SSH2: variants seen among roughly 807,000 people sequenced by gnomAD.
SSH2 encodes the protein protein phosphatase Slingshot homolog 2.
In SSH2, 37 loss-of-function variants were observed where a neutral mutation model predicts 135.2. The observed-to-expected ratio is 0.27, with a 90% CI of 0.21 to 0.36. The LOEUF (loss-of-function observed/expected upper bound fraction) is 0.36, where lower values mean the gene tolerates loss of function less well. SSH2 is among the 10% of genes least tolerant of loss of function. SSH2 has a pLI of 1.00. For synonymous variants in SSH2, 628 were observed against 646.2 expected (o/e 0.97, Z 0.43); for missense variants, 1,408 against 1,765.3 (o/e 0.80, Z 3.63).
chr17:29,642,791 A>G (rs1476801142), intron 14 of SSH2, among the ~76,000 whole-genome samples: 1 of 152,204 alleles, frequency 6.6e-6, no homozygotes, highest in Non-Finnish European at 1.5e-5. Flanking sequence ...TACTCTGATT[A>G]AGACTGTAAC....
chr17:29,710,499 T>C (rs192976534), intron 3 of SSH2, among the ~76,000 whole-genome samples: 6 of 152,256 alleles, frequency 3.9e-5, no homozygotes, highest in Admixed American at 2.0e-4. Context: ...AGCAAAAACT[T>C]TCAAATATAT....
chr17:29,677,530 A>G, intron 7 of SSH2, 143 bp downstream of exon 7: 1 of 707,366 alleles, frequency 1.4e-6, no homozygotes, highest in East Asian at 2.5e-5. Flanking sequence ...TTTACAAAAC[A>G]GGAGTTTAAA....
chr17:29,848,089 A>T (rs1377419166), intron 2 of SSH2, among the ~76,000 whole-genome samples: 1 of 151,734 alleles, frequency 6.6e-6, no homozygotes, highest in Non-Finnish European at 1.5e-5. Context: ...GAAACTAAGA[A>T]CCCTCCTGGG....
At chr17:29,757,742 A>G (rs1474329351) in intron 3 of SSH2, among the ~76,000 whole-genome samples, 21 of 121,036 alleles carry the variant, frequency 1.7e-4, no homozygotes, top group Admixed American at 6.5e-4. Context: ...AAAAAAAAAA[A>G]AGAGAGAGAG....
intron 5 of SSH2, among the ~76,000 whole-genome samples, chr17:29,691,094 G>C (rs1271421002): frequency 6.7e-6 from 1 of 150,066 alleles, no homozygotes; most frequent in Non-Finnish European, 1.5e-5. Context: ...CATTGTTTGG[G>C]AGAAAAAAAA....
chr17:29,705,803 T>C (rs542792332), intron 3 of SSH2, among the ~76,000 whole-genome samples: 4 of 152,362 alleles, frequency 2.6e-5, no homozygotes, highest in Admixed American at 2.6e-4. Flanking sequence ...TGGCCTATCA[T>C]TATGTAAGTC....
intron 1 of SSH2, among the ~76,000 whole-genome samples, chr17:29,909,052 G>A (rs2066715396): frequency 6.6e-6 from 1 of 152,010 alleles, no homozygotes; most frequent in African/African-American, 2.4e-5. Context: ...ACTCCAGCCT[G>A]GGTGACAGAG....
intron 3 of SSH2, among the ~76,000 whole-genome samples, chr17:29,751,646 C>T (rs771524031): frequency 1.4e-4 from 22 of 152,146 alleles, no homozygotes; most frequent in Non-Finnish European, 3.1e-4. Flanking sequence ...CAGCTATAGT[C>T]ACTAGGTGAT....
chr17:29,913,363 TA>T (rs1599185865), intron 1 of SSH2, among the ~76,000 whole-genome samples: 3 of 74,206 alleles, frequency 4.0e-5, no homozygotes, highest in East Asian at 4.3e-4. Context: ...TATATATATA[TA>T]TATATATATA....
chr17:29,703,249 G>A (rs3115087), intron 3 of SSH2, among the ~76,000 whole-genome samples, 187 bp from the exon 4 acceptor site: 1 of 151,930 alleles, frequency 6.6e-6, no homozygotes, highest in Admixed American at 6.6e-5. Flanking sequence ...AGACAAGTTT[G>A]CTTTCTTTTT....
At chr17:29,924,221 G>A (rs981640954) in intron 1 of SSH2, among the ~76,000 whole-genome samples, 1 of 152,020 alleles carries the variant, frequency 6.6e-6, no homozygotes, top group Non-Finnish European at 1.5e-5. Context: ...AGCATCACTT[G>A]TGTTTATACT....
At chr17:29,817,082 C>T (rs1236619715) in intron 2 of SSH2, among the ~76,000 whole-genome samples, 5 of 152,258 alleles carry the variant, frequency 3.3e-5, no homozygotes, top group East Asian at 1.9e-4. Flanking sequence ...GTAAAATCTC[C>T]TGAGAAGCAC....
At chr17:29,702,126 G>C (rs1460094568) in intron 4 of SSH2, among the ~76,000 whole-genome samples, 1 of 151,952 alleles carries the variant, frequency 6.6e-6, no homozygotes, top group Non-Finnish European at 1.5e-5. Flanking sequence ...ACTGAGGTGG[G>C]TGGATCACCT....
intron 1 of SSH2, among the ~76,000 whole-genome samples, chr17:29,882,316 T>C (rs933548964): frequency 8.5e-5 from 13 of 152,202 alleles, no homozygotes; most frequent in African/African-American, 3.1e-4. Context: ...ATCATCACCA[T>C]CAAAAGAATC....
intron 3 of SSH2, among the ~76,000 whole-genome samples, chr17:29,756,294 A>T (rs1249002872): frequency 6.6e-6 from 1 of 151,024 alleles, no homozygotes; most frequent in Admixed American, 6.6e-5. Context: ...AGGGAGATAG[A>T]TAGTCTCCCT....
At position 29,930,220 on chromosome 17, in the gene SSH2, G is replaced by A; in HGVS notation, c.-220C>T. 5.4e-6 allele frequency: 3 copies of A among 556,744 alleles called. No homozygotes were observed. Among genetic ancestry groups the A allele is most frequent in the Non-Finnish European group, 9.5e-6 (3 of 315,080 alleles). The allele number at this position is 556,744 out of a possible 1,614,324, so 34.5% of individuals were successfully genotyped here. A position where few individuals can be genotyped will look rare whatever the true frequency, so the allele number is the denominator to read the frequency against. ...GCGGGCGGGCGGTTCCGCAGCTGCG[G>A]GGCACAATGAGCGCTCCCAGTGCGC... On this transcript the variant is annotated 5_prime_UTR_variant, in exon 1 of 16. Transcript: ENST00000540801.
At chr17:29,884,808 C>T (rs2066203557) in intron 1 of SSH2, among the ~76,000 whole-genome samples, 3 of 152,164 alleles carry the variant, frequency 2.0e-5, no homozygotes. Context: ...CTATCCCAAC[C>T]ACAACTGCCT....
At chr17:29,702,261 G>A (rs920347239) in intron 4 of SSH2, among the ~76,000 whole-genome samples, 6 of 152,002 alleles carry the variant, frequency 3.9e-5, no homozygotes, top group Middle Eastern at 3.2e-3. Context: ...GTTGAGGCAG[G>A]AGAATTGCTT....
At chr17:29,752,996 A>C (rs1468142230) in intron 3 of SSH2, among the ~76,000 whole-genome samples, 1 of 152,176 alleles carries the variant, frequency 6.6e-6, no homozygotes, top group Non-Finnish European at 1.5e-5. Flanking sequence ...AGACAAGTTA[A>C]CCTCTCTGTG....
Sources: gnomAD v4.1 joint callset for allele counts (sites outside exome capture counted in the v4.1 genomes callset) on GRCh38, gnomAD v4.1.1 for gene constraint, MANE v1.5 for transcripts, NCBI Gene and HGNC (gene_info 2026-07-23, HGNC 2026-07-21) for gene names.